Variants in ALOX5 observed in about 807,000 individuals in gnomAD.
The protein encoded by ALOX5 is polyunsaturated fatty acid 5-lipoxygenase.
In ALOX5, 64 loss-of-function variants were observed where a neutral mutation model predicts 87.9. The ratio of observed to expected loss-of-function variants is 0.73; its 90% CI spans 0.60 to 0.90. The LOEUF (loss-of-function observed/expected upper bound fraction) is 0.90, where lower values mean the gene tolerates loss of function less well. Ranked by LOEUF, ALOX5 falls within the 40% of genes least tolerant of loss-of-function variation. ALOX5 has a pLI of 0.00. For synonymous variants in ALOX5, 388 were observed against 355.1 expected, an observed-to-expected ratio of 1.09 and a Z score of -1.04; for missense variants, 822 against 907.5, an observed-to-expected ratio of 0.91 and a Z score of 1.21.
rs908488754 is a variant in ALOX5 at position 45,422,315 on chromosome 10, G to A, written c.555-1726G>A. On this transcript the variant is annotated intron_variant, in intron 4 of 13. Coordinates refer to ENST00000374391, the MANE Select transcript of ALOX5 (RefSeq NM_000698.5). ...TCTCATTCTGCTGGATCAGGAGGAT[G>A]TGGGGAGGTCCCTGACTCCCCAGCT... is the stretch of plus-strand genomic sequence containing the variant. Among the ~76,000 whole-genome samples, 11 of 152,298 alleles carry A rather than the reference G, an allele frequency of 7.2e-5. No individual in the cohort carries two copies. The East Asian group carries it at 1.5e-3, about 21-fold the overall frequency.
At chr10:45,395,606 TA>T (rs5784682) in intron 2 of ALOX5, among the ~76,000 whole-genome samples, 102,346 of 148,468 alleles carry the variant, frequency 0.69, 35,387 homozygotes, top group East Asian at 0.84. Context: ...AAAGTAGAAT[TA>T]AAAAAAAAAA....
chr10:45,392,127 G>A (rs1840303655), intron 2 of ALOX5, among the ~76,000 whole-genome samples: 1 of 151,866 alleles, frequency 6.6e-6, no homozygotes, highest in African/African-American at 2.4e-5. Flanking sequence ...CGTCCGGGAG[G>A]TGAGGGGTGC....
Position 45,428,699 on chromosome 10 carries a change from C to A in ALOX5, c.916C>A (p.Leu306Met), listed in dbSNP as rs769421758. 2 of 1,614,134 alleles carry A rather than the reference C, an allele frequency of 1.2e-6. No homozygotes were observed. The highest frequency in any genetic ancestry group is 1.7e-6 in the Non-Finnish European group (2 of 1,180,040). Residue 306 changes from leucine (L) to methionine (M), a missense_variant, in exon 7 of 14, where the codon CTG (leucine) becomes ATG (methionine). Leu to Met is a conservative substitution (Grantham distance 15). Coordinates refer to ENST00000374391, the MANE Select transcript of ALOX5 (RefSeq NM_000698.5). ...AACAGACCCCTGCACACTCCAGTTC[C>A]TGGCCGCTCCCATCTGCTTGCTGTA... ...NKTDPCTLQF[L>M]AAPICLLYKN...
At chr10:45,394,602 A>T (rs918886376) in intron 2 of ALOX5, among the ~76,000 whole-genome samples, 3 of 152,236 alleles carry the variant, frequency 2.0e-5, no homozygotes, top group Admixed American at 6.5e-5. Context: ...AAAATGGACA[A>T]ATGGGATCTA....
At chr10:45,426,962 C>T (rs375625949) in intron 6 of ALOX5, among the ~76,000 whole-genome samples, 3 of 152,190 alleles carry the variant, frequency 2.0e-5, no homozygotes, top group East Asian at 3.9e-4. Context: ...ATCCTCGGGC[C>T]TCACTGATTC....
intron 3 of ALOX5, among the ~76,000 whole-genome samples, chr10:45,397,197 A>G (rs1267849576): frequency 6.6e-6 from 1 of 152,222 alleles, no homozygotes; most frequent in Non-Finnish European, 1.5e-5. Flanking sequence ...CCTGGCCAAC[A>G]TGGTGAAACC....
chr10:45,392,756 A>G (rs1840336286), intron 2 of ALOX5, among the ~76,000 whole-genome samples: 1 of 152,218 alleles, frequency 6.6e-6, no homozygotes, highest in Non-Finnish European at 1.5e-5. Context: ...CGCAATAAAA[A>G]GTGATAAAGG....
intron 1 of ALOX5, among the ~76,000 whole-genome samples, chr10:45,375,144 AC>A (rs1839552776): frequency 6.6e-6 from 1 of 152,138 alleles, no homozygotes. Context: ...AAGGAACAGA[AC>A]CCAGGCCAGG....
At chr10:45,443,932 G>A in intron 12 of ALOX5, 104 bp downstream of exon 12, 2 of 1,452,240 alleles carry the variant, frequency 1.4e-6, no homozygotes, top group Admixed American at 2.2e-5. Context: ...CAGCCTCGGG[G>A]CCTGGCACGG....
chr10:45,419,435 G>C (rs1467517147), intron 4 of ALOX5, among the ~76,000 whole-genome samples: 1 of 152,178 alleles, frequency 6.6e-6, no homozygotes, highest in Non-Finnish European at 1.5e-5. Flanking sequence ...GACAAGGGAC[G>C]GGGGAGAGGG....
chr10:45,442,366 G>A (rs1564450085), intron 9 of ALOX5, among the ~76,000 whole-genome samples: 1 of 152,198 alleles, frequency 6.6e-6, no homozygotes, highest in Non-Finnish European at 1.5e-5. Flanking sequence ...GCTCTGGTTG[G>A]TCCTGCTTGG....
At chr10:45,398,201 G>A (rs1028612845) in intron 3 of ALOX5, among the ~76,000 whole-genome samples, 8 of 152,184 alleles carry the variant, frequency 5.3e-5, no homozygotes, top group Admixed American at 4.6e-4. Flanking sequence ...TACACTTATG[G>A]CCAATTAATT....
Position 45,411,245 on chromosome 10 carries a change from G to A in ALOX5, c.432-946G>A, listed in dbSNP as rs574832420. On this transcript the variant is annotated intron_variant, in intron 3 of 13. Transcript: ENST00000374391. ...ATCTTAGTTTTGTTGGGTTTTGGCCGGCTTCTTTACCACAACCCATTTTAT... is the reference window on the plus strand; with the variant it reads ...ATCTTAGTTTTGTTGGGTTTTGGCCAGCTTCTTTACCACAACCCATTTTAT... Among the ~76,000 whole-genome samples the A allele has an allele frequency of 1.6e-4, 25 of 152,206 alleles. 1 individual carries two copies. The highest frequency in any genetic ancestry group is 4.1e-4 in the South Asian group (2 of 4,820).
At chr10:45,392,166 G>A (rs1376971751) in intron 2 of ALOX5, among the ~76,000 whole-genome samples, 1 of 151,982 alleles carries the variant, frequency 6.6e-6, no homozygotes, top group East Asian at 1.9e-4. Flanking sequence ...ACTGGGAAGT[G>A]AGGAGCCCCT....
Position 45,443,424 on chromosome 10 carries a change from C to A in ALOX5, c.1460C>A (p.Ala487Asp). 1 of 1,604,800 alleles carries A rather than the reference C, an allele frequency of 6.2e-7. No individual in the cohort carries two copies. The highest frequency in any genetic ancestry group is 8.5e-7 in the Non-Finnish European group (1 of 1,176,050). Reference protein sequence around the residue: ...LVWEAIRTFTAEVVDIYYEGD... With the variant: ...LVWEAIRTFTDEVVDIYYEGD... ...TGCGCCCCCTGAGCCAGGTTCACGGCCGAGGTGGTAGACATCTACTACGAG... is the reference window on the plus strand; with the variant it reads ...TGCGCCCCCTGAGCCAGGTTCACGGACGAGGTGGTAGACATCTACTACGAG... Residue 487 changes from alanine (A) to aspartate (D), a missense_variant, in exon 11 of 14, where the codon GCC becomes GAC. By Grantham distance (126) the Ala-to-Asp change is moderately radical. Coordinates refer to ENST00000374391, the MANE Select transcript of ALOX5 (RefSeq NM_000698.5).
At chr10:45,412,344 C>T in intron 4 of ALOX5, 31 bp downstream of exon 4, 1 of 1,611,820 alleles carries the variant, frequency 6.2e-7, no homozygotes, top group South Asian at 1.1e-5. Context: ...GGACTCTGGG[C>T]AGCCCCTCCA....
intron 8 of ALOX5, 127 bp from the exon 9 acceptor site, chr10:45,441,217 C>A: frequency 1.3e-6 from 1 of 751,564 alleles, no homozygotes; most frequent in South Asian, 1.6e-5. Context: ...CAGCACCCAG[C>A]CTTCACTTCC....
chr10:45,397,112 G>A (rs1840537229), intron 3 of ALOX5, among the ~76,000 whole-genome samples: 2 of 152,224 alleles, frequency 1.3e-5, no homozygotes, highest in African/African-American at 2.4e-5. Flanking sequence ...GCTGGGCGTG[G>A]TGGTTCACAC....
At chr10:45,414,364 C>T (rs1841187702) in intron 4 of ALOX5, among the ~76,000 whole-genome samples, 1 of 152,194 alleles carries the variant, frequency 6.6e-6, no homozygotes, top group African/African-American at 2.4e-5. Flanking sequence ...ATAAATGGTG[C>T]TGGGAAAACT....
Sources: gnomAD v4.1 joint callset for allele counts (sites outside exome capture counted in the v4.1 genomes callset) on GRCh38, gnomAD v4.1.1 for gene constraint, MANE v1.5 for transcripts, NCBI Gene and HGNC (gene_info 2026-07-23, HGNC 2026-07-21) for gene names.